The following KCNK2 variants were observed in gnomAD, a reference collection of about 807,000 sequenced individuals.
KCNK2 encodes the protein potassium channel subfamily K member 2.
KCNK2 carries 21 observed loss-of-function variants against 40.5 expected under a neutral mutation model. That is an observed-to-expected ratio of 0.52 (90% CI 0.37 to 0.75). The LOEUF is 0.75. KCNK2 is among the 30% of genes least tolerant of loss of function. The pLI is 0.00. For missense variants in KCNK2, 399 were observed against 531.6 expected (o/e 0.75, Z 2.45); for synonymous variants, 191 against 202.2 (o/e 0.94, Z 0.47).
chr1:215,063,119 G>A (rs374977586), intron 1 of KCNK2, among the ~76,000 whole-genome samples: 100 of 152,250 alleles, frequency 6.6e-4, no homozygotes, highest in African/African-American at 2.3e-3. Flanking sequence ...AATGAAGAAT[G>A]GGAGAGTGGT....
At chr1:215,141,668 T>C (rs1410253300) in intron 3 of KCNK2, among the ~76,000 whole-genome samples, 1 of 152,138 alleles carries the variant, frequency 6.6e-6, no homozygotes, top group South Asian at 2.1e-4. Flanking sequence ...TATAAAATTC[T>C]GGGATCACAA....
Position 215,156,105 on chromosome 1 carries a change from A to G in KCNK2, c.476-13094A>G, listed in dbSNP as rs533409246. On this transcript the variant is annotated intron_variant, in intron 3 of 6. Transcript: ENST00000444842. ...TGTATATATATATATAATGTAATCA[A>G]TCAGTCTCTACACTCACGGAGCTCA... Among the ~76,000 whole-genome samples, 162 of 151,996 alleles carry G rather than the reference A, an allele frequency of 1.1e-3. 1 individual carries two copies. Among genetic ancestry groups the G allele is most frequent in the African/African-American group, 3.7e-3 (153 of 41,452 alleles).
chr1:215,046,633 C>G (rs1216551053), intron 1 of KCNK2, among the ~76,000 whole-genome samples: 1 of 152,036 alleles, frequency 6.6e-6, no homozygotes, highest in African/African-American at 2.4e-5. Context: ...TCAGTTTTCT[C>G]AGCTTTTAAA....
intron 6 of KCNK2, among the ~76,000 whole-genome samples, chr1:215,215,465 A>C (rs932256313): frequency 2.0e-5 from 3 of 152,214 alleles, no homozygotes; most frequent in African/African-American, 4.8e-5. Flanking sequence ...AAGTGATATC[A>C]TAAGTGCTAA....
At chr1:215,016,797 A>G (rs1050221367) in intron 1 of KCNK2, among the ~76,000 whole-genome samples, 3 of 152,178 alleles carry the variant, frequency 2.0e-5, no homozygotes, top group Non-Finnish European at 4.4e-5. Context: ...AACAGTTAAC[A>G]GAATGAAGAG....
intron 6 of KCNK2, among the ~76,000 whole-genome samples, chr1:215,222,731 A>G (rs1227464857): frequency 8.3e-6 from 1 of 120,178 alleles, no homozygotes; most frequent in Non-Finnish European, 1.7e-5. Context: ...TAATCCTTTT[A>G]GGCTTTTTTT....
At chr1:215,093,865 AATATATT>A (rs1252641821) in intron 2 of KCNK2, among the ~76,000 whole-genome samples, 160 of 92,530 alleles carry the variant, frequency 1.7e-3, no homozygotes, top group Admixed American at 2.3e-3. Flanking sequence ...TATATATAAA[AATATATT>A]ATATATTATA....
At chr1:215,120,123 C>T (rs1181571644) in intron 2 of KCNK2, among the ~76,000 whole-genome samples, 1 of 152,164 alleles carries the variant, frequency 6.6e-6, no homozygotes, top group Non-Finnish European at 1.5e-5. Context: ...TAATGATTTA[C>T]AACCCACATG....
At chr1:215,036,915 G>T in intron 1 of KCNK2, among the ~76,000 whole-genome samples, 1 of 150,266 alleles carries the variant, frequency 6.7e-6, no homozygotes. Context: ...TCTAATATTT[G>T]CTTTGTAGAT....
At chr1:215,222,838 G>A (rs1305489817) in intron 6 of KCNK2, among the ~76,000 whole-genome samples, 2 of 151,722 alleles carry the variant, frequency 1.3e-5, no homozygotes, top group Non-Finnish European at 2.9e-5. Context: ...TTTAGAAAAT[G>A]AATTAATGAT....
intron 5 of KCNK2, among the ~76,000 whole-genome samples, chr1:215,188,573 T>TA (rs980607342): frequency 6.6e-6 from 1 of 152,100 alleles, no homozygotes; most frequent in Non-Finnish European, 1.5e-5. Flanking sequence ...TAAATCTCTT[T>TA]AAAAAACCAT....
chr1:215,057,006 A>T (rs572371434), intron 1 of KCNK2, among the ~76,000 whole-genome samples: 1 of 152,306 alleles, frequency 6.6e-6, no homozygotes, highest in East Asian at 1.9e-4. Flanking sequence ...AAATGACTTA[A>T]CCTCTATCTA....
At chr1:215,122,735 A>ATAATC (rs1158847390) in intron 2 of KCNK2, among the ~76,000 whole-genome samples, 4 of 150,244 alleles carry the variant, frequency 2.7e-5, no homozygotes, top group Non-Finnish European at 5.9e-5. Flanking sequence ...TAAAACATTC[A>ATAATC]TAATCTTTTT....
chr1:215,233,885 T>C (rs1337460128), intron 6 of KCNK2, among the ~76,000 whole-genome samples: 2 of 152,364 alleles, frequency 1.3e-5, no homozygotes, highest in East Asian at 1.9e-4. Context: ...GACACAAACA[T>C]ACGGATGCAG....
At chr1:215,024,687 C>T (rs1001400094) in intron 1 of KCNK2, among the ~76,000 whole-genome samples, 1 of 152,058 alleles carries the variant, frequency 6.6e-6, no homozygotes, top group Non-Finnish European at 1.5e-5. Context: ...ATCAAAGAGC[C>T]CTAAATGAGA....
intron 2 of KCNK2, among the ~76,000 whole-genome samples, chr1:215,124,086 T>C (rs1661314371): frequency 6.6e-6 from 1 of 152,208 alleles, no homozygotes; most frequent in African/African-American, 2.4e-5. Flanking sequence ...TGGACTGCCT[T>C]AAGCTTGAAA....
At chr1:215,219,636 T>G (rs930191585) in intron 6 of KCNK2, among the ~76,000 whole-genome samples, 1 of 152,212 alleles carries the variant, frequency 6.6e-6, no homozygotes, top group Non-Finnish European at 1.5e-5. Flanking sequence ...CCTTTTCCAT[T>G]GGAAATCTCC....
chr1:215,182,387 C>T (rs1265761490), intron 5 of KCNK2, among the ~76,000 whole-genome samples: 1 of 152,050 alleles, frequency 6.6e-6, no homozygotes, highest in African/African-American at 2.4e-5. Context: ...GCTTAGGCTG[C>T]TGAGCCAGGC....
At chr1:215,192,557 A>AT (rs1458563263) in intron 5 of KCNK2, among the ~76,000 whole-genome samples, 1 of 152,110 alleles carries the variant, frequency 6.6e-6, no homozygotes, top group South Asian at 2.1e-4. Context: ...TTGGATGAAG[A>AT]TTTTTTCTGG....
Sources: gnomAD v4.1 joint callset for allele counts (sites outside exome capture counted in the v4.1 genomes callset) on GRCh38, gnomAD v4.1.1 for gene constraint, MANE v1.5 for transcripts, NCBI Gene and HGNC (gene_info 2026-07-23, HGNC 2026-07-21) for gene names.